The following VPS33A variants were observed in gnomAD, a reference collection of about 807,000 sequenced individuals.
VPS33A encodes VPS33A core subunit of CORVET and HOPS complexes.
Under a neutral mutation model 71.8 loss-of-function variants are expected in VPS33A, and 32 were observed. The observed-to-expected ratio is 0.45, with a 90% CI of 0.34 to 0.60. The LOEUF (loss-of-function observed/expected upper bound fraction) is 0.60, where lower values mean the gene tolerates loss of function less well. VPS33A is among the 20% of genes least tolerant of loss of function. The pLI is 0.02. For missense variants in VPS33A, 625 were observed against 748.5 expected, an observed-to-expected ratio of 0.84 and a Z score of 1.92; for synonymous variants, 311 against 292.7, an observed-to-expected ratio of 1.06 and a Z score of -0.64.
intron 4 of VPS33A, among the ~76,000 whole-genome samples, chr12:122,254,405 C>CTT (rs10571356): frequency 1.8e-5 from 2 of 110,188 alleles, no homozygotes; most frequent in Non-Finnish European, 3.6e-5. Context: ...ACCCCCCCGC[C>CTT]TTTTTTTTTT....
chr12:122,263,076 T>A (rs941343645), intron 3 of VPS33A, among the ~76,000 whole-genome samples: 19 of 146,886 alleles, frequency 1.3e-4, no homozygotes, highest in Admixed American at 7.0e-5. Flanking sequence ...CACTGCAACC[T>A]CTGCCTCCCG....
chr12:122,264,281 G>A (rs1955038136), intron 1 of VPS33A, 82 bp from the exon 2 acceptor site: 11 of 1,065,778 alleles, frequency 1.0e-5, no homozygotes, highest in African/African-American at 1.6e-5. Flanking sequence ...CCTAACAGGA[G>A]GAGTATTTGC....
intron 4 of VPS33A, 79 bp from the exon 5 acceptor site, chr12:122,251,178 A>T: frequency 2.2e-6 from 2 of 896,210 alleles, no homozygotes; most frequent in East Asian, 2.5e-5. Flanking sequence ...GCTGGGGTGC[A>T]GCGACAGACA....
intron 9 of VPS33A, 46 bp from the exon 10 acceptor site, chr12:122,238,770 TACACACACACACACACACACACAC>T (rs57522920): frequency 3.4e-6 from 3 of 872,998 alleles, no homozygotes; most frequent in Non-Finnish European, 5.3e-6. Flanking sequence ...TACATATACA[TACACACACACACACACACACACAC>T]ACACACACAC....
chr12:122,260,265 G>T (rs1954974815), intron 4 of VPS33A, among the ~76,000 whole-genome samples: 1 of 151,696 alleles, frequency 6.6e-6, no homozygotes, highest in Non-Finnish European at 1.5e-5. Flanking sequence ...TTAAAGGAGA[G>T]AATTTCATGG....
Position 122,263,663 on chromosome 12 carries a change from T to C in VPS33A, c.205A>G (p.Asn69Asp). 6.2e-7 allele frequency: 1 copy of C among 1,613,234 alleles called. No individual in the cohort carries two copies. Among genetic ancestry groups the C allele is most frequent in the East Asian group, 2.2e-5 (1 of 44,868 alleles). Residue 69 changes from asparagine (N) to aspartate (D), a missense_variant, in exon 3 of 13, where the codon AAT becomes GAT. By Grantham distance (23) the Asn-to-Asp change is conservative. Coordinates refer to ENST00000267199, the MANE Select transcript of VPS33A (RefSeq NM_022916.6). ...EVEKMFTLKG[N>D]RLPAADVKNI... is the part of the protein sequence containing the mutation. ...TTCACATCAGCTGCCGGCAAACGATTTCCTTTAAGTGTGAACATTTTTTCC... is the reference window on the plus strand; with the variant it reads ...TTCACATCAGCTGCCGGCAAACGATCTCCTTTAAGTGTGAACATTTTTTCC...
chr12:122,231,956 C>T lies in VPS33A; in HGVS notation c.*290G>A. 2.5e-6 allele frequency: 1 copy of T among 403,174 alleles called. No homozygotes were observed. Among genetic ancestry groups the T allele is most frequent in the Non-Finnish European group, 4.4e-6 (1 of 229,868 alleles). The allele number at this position is 403,174 out of a possible 1,614,324, so 25.0% of individuals were successfully genotyped here. A position where few individuals can be genotyped will look rare whatever the true frequency, so the allele number is the denominator to read the frequency against. On this transcript the variant is annotated 3_prime_UTR_variant, in exon 13 of 13. Transcript: ENST00000267199. ...CCTGTAGTCCCAGCTACTCAGGAGG[C>T]TGAGGCAGGAGAATTGCTTGAACCT...
chr12:122,244,824 A>G lies in VPS33A; in HGVS notation c.776-62T>C, dbSNP rs922332018. 2.0e-6 allele frequency: 3 copies of G among 1,516,524 alleles called. No homozygotes were observed. The African/African-American group carries it at 4.1e-5, about 21-fold the overall frequency. The allele number at this position is 1,516,524 out of a possible 1,614,324, so 93.9% of individuals were successfully genotyped here. ...AATGACTGGAAGAACCAATCCGGTA[A>G]CCAAGCACAAAACAGAATTTCCAAC... On this transcript the variant is annotated intron_variant, in intron 6 of 12. Transcript: ENST00000267199.
intron 6 of VPS33A, among the ~76,000 whole-genome samples, chr12:122,246,160 T>A (rs1954773327): frequency 2.0e-5 from 3 of 152,084 alleles, no homozygotes; most frequent in Admixed American, 2.0e-4. Flanking sequence ...AAATCCTGCA[T>A]CAGGGAATCC....
chr12:122,254,395 A>ACC (rs1226854782), intron 4 of VPS33A, among the ~76,000 whole-genome samples: 3 of 51,180 alleles, frequency 5.9e-5, no homozygotes, highest in Non-Finnish European at 1.1e-4. Context: ...CCCCCAATCC[A>ACC]CCCCCCCGCC....
At chr12:122,265,967 G>A (rs1051015788) in intron 1 of VPS33A, among the ~76,000 whole-genome samples, 3 of 152,218 alleles carry the variant, frequency 2.0e-5, no homozygotes, top group East Asian at 3.8e-4. Flanking sequence ...AATGGACACT[G>A]GACCATCCAC....
At position 122,266,310 on chromosome 12, in the gene VPS33A, G is replaced by A; in HGVS notation, c.99C>T (p.Ser33=). ...GTCGCTGCCTCCCGCCCCTCACCTT[G>A]CTTCCTGCGCACTTGTCCAGGAACT... is the stretch of plus-strand genomic sequence containing the variant. ...LREFLDKCAG[S]KAIVWDEYLT... is the part of the protein sequence containing the mutation. Residue 33 remains serine, a synonymous_variant, in exon 1 of 13, where the codon AGC becomes AGT. Transcript: ENST00000267199. 2 of 1,611,410 alleles carry A rather than the reference G, an allele frequency of 1.2e-6. No homozygotes were observed. Among genetic ancestry groups the A allele is most frequent in the Non-Finnish European group, 8.5e-7 (1 of 1,179,864 alleles).
chr12:122,259,699 G>A (rs1413384678), intron 4 of VPS33A, among the ~76,000 whole-genome samples: 2 of 151,966 alleles, frequency 1.3e-5, no homozygotes, highest in Admixed American at 6.6e-5. Context: ...TGAAGGCCTC[G>A]CGCAGGCTTC....
Position 122,263,554 on chromosome 12 carries a change from A to C in VPS33A, c.296+18T>G. On this transcript the variant is annotated intron_variant, in intron 3 of 12. Transcript: ENST00000267199. ...TAAGAACCAAACTCTTTTGGATCAA[A>C]CACAAGCTCTGAGATACCTGAGCAC... is the stretch of plus-strand genomic sequence containing the variant. 6.3e-7 allele frequency: 1 copy of C among 1,583,708 alleles called. No homozygotes were observed. The highest frequency in any genetic ancestry group is 8.6e-7 in the Non-Finnish European group (1 of 1,163,616).
At position 122,239,538 on chromosome 12, in the gene VPS33A, T is replaced by G. The variant is rs534627581; in HGVS notation, c.1164+340A>C. On this transcript the variant is annotated intron_variant, in intron 9 of 12. Coordinates refer to ENST00000267199, the MANE Select transcript of VPS33A (RefSeq NM_022916.6). Reference sequence around the variant, plus strand: ...ATCACAAGGTCGGAGATCGAGACCATCCTGGCTAACATGGTGAAACCCCGT... The same window carrying G: ...ATCACAAGGTCGGAGATCGAGACCAGCCTGGCTAACATGGTGAAACCCCGT... Among the ~76,000 whole-genome samples, 8 of 152,054 alleles carry G rather than the reference T, an allele frequency of 5.3e-5. 1 individual carries two copies. The South Asian group carries it at 8.3e-4, about 16-fold the overall frequency.
chr12:122,231,833 G>A lies in VPS33A; in HGVS notation c.*413C>T, dbSNP rs1954564815. 6.4e-6 allele frequency: 2 copies of A among 313,252 alleles called. No homozygotes were observed. Among genetic ancestry groups the A allele is most frequent in the Non-Finnish European group, 1.2e-5 (2 of 172,754 alleles). 19.4% of individuals were successfully genotyped at this position (313,252 alleles called of 1,614,324 possible). A position where few individuals can be genotyped will look rare whatever the true frequency, so the allele number is the denominator to read the frequency against. On this transcript the variant is annotated 3_prime_UTR_variant, in exon 13 of 13. Transcript: ENST00000267199. Reference sequence around the variant, plus strand: ...GCACTGTGGGAGGCCGAGGCAGGTGGATCACCTGAGGTCAGGAGTTTGAGA... The same window carrying A: ...GCACTGTGGGAGGCCGAGGCAGGTGAATCACCTGAGGTCAGGAGTTTGAGA...
chr12:122,265,135 G>A (rs975290678), intron 1 of VPS33A, among the ~76,000 whole-genome samples: 5 of 151,908 alleles, frequency 3.3e-5, no homozygotes, highest in African/African-American at 1.2e-4. Flanking sequence ...ACCCAGGCTG[G>A]TCTCCAACTC....
At chr12:122,259,731 C>T (rs757665359) in intron 4 of VPS33A, among the ~76,000 whole-genome samples, 5 of 151,976 alleles carry the variant, frequency 3.3e-5, no homozygotes, top group East Asian at 3.8e-4. Flanking sequence ...ACCCTCAAAA[C>T]ATTACACTAA....
intron 1 of VPS33A, 120 bp downstream of exon 1, chr12:122,266,187 G>A (rs767878271): frequency 7.0e-7 from 1 of 1,422,264 alleles, no homozygotes. Context: ...GGGCCCTGAG[G>A]CTCGCCTCCT....
Sources: gnomAD v4.1 joint callset for allele counts (sites outside exome capture counted in the v4.1 genomes callset) on GRCh38, gnomAD v4.1.1 for gene constraint, MANE v1.5 for transcripts, NCBI Gene and HGNC (gene_info 2026-07-23, HGNC 2026-07-21) for gene names.